Variants in SMAD3 observed in about 807,000 individuals in gnomAD.
SMAD3 encodes MAD homolog 3.
A neutral mutation model predicts 51.8 loss-of-function variants in SMAD3; 12 were observed. The ratio of observed to expected loss-of-function variants is 0.23; its 90% confidence interval spans 0.15 to 0.38. The LOEUF (loss-of-function observed/expected upper bound fraction) is 0.38. Ranked by LOEUF, SMAD3 falls within the 10% of genes least tolerant of loss-of-function variation. The pLI is 1.00. For missense variants in SMAD3, 294 were observed against 565.6 expected (o/e 0.52, Z 4.87); for synonymous variants, 238 against 227.7 (o/e 1.05, Z -0.41).
At chr15:67,142,253 G>T (rs1566982293) in intron 1 of SMAD3, among the ~76,000 whole-genome samples, 2 of 140,676 alleles carry the variant, frequency 1.4e-5, no homozygotes, top group African/African-American at 5.4e-5. Flanking sequence ...TAATAGCTAG[G>T]TTTTTTTTTT....
At chr15:67,105,673 C>T (rs558241313) in intron 1 of SMAD3, among the ~76,000 whole-genome samples, 1 of 152,346 alleles carries the variant, frequency 6.6e-6, no homozygotes, top group African/African-American at 2.4e-5. Flanking sequence ...GAAAGCCTTT[C>T]TCTCTGACAG....
chr15:67,085,458 A>G (rs746503043), intron 1 of SMAD3, among the ~76,000 whole-genome samples: 4 of 152,214 alleles, frequency 2.6e-5, no homozygotes, highest in South Asian at 4.1e-4. Flanking sequence ...AAATGACTCT[A>G]TTACTCATTT....
intron 1 of SMAD3, among the ~76,000 whole-genome samples, chr15:67,154,880 A>G (rs1348353010): frequency 6.6e-6 from 1 of 152,212 alleles, no homozygotes; most frequent in Non-Finnish European, 1.5e-5. Context: ...TCAATACAAC[A>G]AAGAAAAAAT....
intron 1 of SMAD3, among the ~76,000 whole-genome samples, chr15:67,105,894 C>T (rs1960866473): frequency 6.6e-6 from 1 of 152,184 alleles, no homozygotes. Context: ...CATCTGCATT[C>T]ATTCCCCGGC....
At chr15:67,097,522 G>A (rs1186402174) in intron 1 of SMAD3, among the ~76,000 whole-genome samples, 3 of 152,148 alleles carry the variant, frequency 2.0e-5, no homozygotes, top group African/African-American at 7.2e-5. Flanking sequence ...CGGGATTACA[G>A]GTGTGAGCCA....
intron 1 of SMAD3, among the ~76,000 whole-genome samples, chr15:67,101,707 T>A (rs911553512): frequency 6.6e-6 from 1 of 152,212 alleles, no homozygotes; most frequent in Non-Finnish European, 1.5e-5. Flanking sequence ...AAGATCGAGA[T>A]TGATTAGCTA....
intron 3 of SMAD3, chr15:67,166,475 C>T (rs1962592377): frequency 2.0e-6 from 1 of 500,718 alleles, no homozygotes; most frequent in African/African-American, 1.9e-5. Flanking sequence ...GGGGGTGGGG[C>T]TTAACCCTCA....
intron 1 of SMAD3, among the ~76,000 whole-genome samples, chr15:67,135,931 C>T (rs1160943449): frequency 2.6e-5 from 4 of 152,190 alleles, no homozygotes; most frequent in African/African-American, 9.7e-5. Flanking sequence ...TGAAGACCTC[C>T]TGTTACTCCA....
intron 4 of SMAD3, among the ~76,000 whole-genome samples, chr15:67,169,682 C>G (rs1169877079): frequency 1.4e-5 from 2 of 147,434 alleles, no homozygotes; most frequent in Non-Finnish European, 3.0e-5. Flanking sequence ...AGGCTGGTCT[C>G]AAACTCCTGG....
intron 5 of SMAD3, among the ~76,000 whole-genome samples, chr15:67,179,013 TATC>T (rs1173344066): frequency 6.6e-6 from 1 of 152,230 alleles, no homozygotes; most frequent in African/African-American, 2.4e-5. Context: ...ATCGGGCTAT[TATC>T]ATTGTTGTTA....
intron 6 of SMAD3, among the ~76,000 whole-genome samples, chr15:67,183,638 G>A (rs1309343196): frequency 6.6e-6 from 1 of 152,148 alleles, no homozygotes; most frequent in Non-Finnish European, 1.5e-5. Context: ...ATCTGGCTCC[G>A]TGTTCTGACC....
At chr15:67,135,856 A>G (rs1961647513) in intron 1 of SMAD3, among the ~76,000 whole-genome samples, 1 of 152,164 alleles carries the variant, frequency 6.6e-6, no homozygotes, top group Non-Finnish European at 1.5e-5. Context: ...AAACGTTAAT[A>G]TTTTCCATAT....
chr15:67,150,464 A>G (rs903389284), intron 1 of SMAD3, among the ~76,000 whole-genome samples: 5 of 150,784 alleles, frequency 3.3e-5, no homozygotes, highest in African/African-American at 1.2e-4. Context: ...GTCTGTGAGA[A>G]TCTTTTCCAG....
At chr15:67,127,080 G>A (rs1325059133) in intron 1 of SMAD3, among the ~76,000 whole-genome samples, 2 of 152,166 alleles carry the variant, frequency 1.3e-5, no homozygotes, top group Non-Finnish European at 2.9e-5. Flanking sequence ...GACAGACAAG[G>A]TATAGGGCTG....
rs917918237 is a variant in SMAD3 at position 67,187,143 on chromosome 15, C to A, written c.1010-222C>A. Reference sequence around the variant, plus strand: ...TCTCCCCTTGCAGGTATGTCAGTGGCACCTCCCAGTGAGGAGATGGGTTCA... The same window carrying A: ...TCTCCCCTTGCAGGTATGTCAGTGGAACCTCCCAGTGAGGAGATGGGTTCA... On this transcript the variant is annotated intron_variant, in intron 7 of 8. Transcript: ENST00000327367. The A allele has an allele frequency of 4.4e-6, 3 of 681,450 alleles. No individual in the cohort carries two copies. In the African/African-American group the frequency reaches 5.3e-5, roughly 12 times the overall value. 42.2% of individuals were successfully genotyped at this position (681,450 alleles called of 1,614,324 possible).
rs776585135 is a variant in SMAD3 at position 67,138,122 on chromosome 15, A to G, written c.207-26773A>G. 30 of 1,536,522 alleles carry G rather than the reference A, an allele frequency of 2.0e-5. No individual in the cohort carries two copies. The Admixed American group carries it at 2.0e-4, about 10-fold the overall frequency. ...GGAGGTAGGAGCCCCGTGCCGGGAC[A>G]TGTCTTTTCTCTTTCTTGAACTCGT... On this transcript the variant is annotated intron_variant, in intron 1 of 8. Coordinates refer to ENST00000327367, the MANE Select transcript of SMAD3 (RefSeq NM_005902.4).
At chr15:67,075,593 T>C (rs149364828) in intron 1 of SMAD3, among the ~76,000 whole-genome samples, 1 of 152,236 alleles carries the variant, frequency 6.6e-6, no homozygotes, top group Non-Finnish European at 1.5e-5. Flanking sequence ...ATCTGTAAAA[T>C]GAGGATGAAA....
intron 6 of SMAD3, among the ~76,000 whole-genome samples, chr15:67,184,420 T>C (rs540053077): frequency 1.3e-5 from 2 of 152,224 alleles, no homozygotes; most frequent in South Asian, 4.1e-4. Flanking sequence ...ATCCCTATCG[T>C]AGAGACAAAC....
intron 1 of SMAD3, among the ~76,000 whole-genome samples, chr15:67,080,708 C>G (rs1960262576): frequency 6.6e-6 from 1 of 152,212 alleles, no homozygotes. Flanking sequence ...AGTAAGCATG[C>G]CTTTTCTTTC....
Sources: gnomAD v4.1 joint callset for allele counts (sites outside exome capture counted in the v4.1 genomes callset) on GRCh38, gnomAD v4.1.1 for gene constraint, MANE v1.5 for transcripts, NCBI Gene and HGNC (gene_info 2026-07-23, HGNC 2026-07-21) for gene names.